SSH2: variants seen among roughly 807,000 people sequenced by gnomAD.
SSH2 encodes the protein protein phosphatase Slingshot homolog 2.
SSH2 carries 37 observed loss-of-function variants against 135.2 expected under a neutral mutation model. That is an observed-to-expected ratio of 0.27 (90% CI 0.21 to 0.36). The LOEUF (loss-of-function observed/expected upper bound fraction) is 0.36. SSH2 is among the 10% of genes least tolerant of loss of function. The probability of loss-of-function intolerance (pLI) is 1.00; values close to 1 mark genes in which losing one functional copy is unlikely to be tolerated. For synonymous variants in SSH2, 628 were observed against 646.2 expected, an observed-to-expected ratio of 0.97 and a Z score of 0.43; for missense variants, 1,408 against 1,765.3, an observed-to-expected ratio of 0.80 and a Z score of 3.63.
chr17:29,646,563 G>A lies in SSH2; in HGVS notation c.1427+1581C>T, dbSNP rs370841490. On this transcript the variant is annotated intron_variant, in intron 14 of 15. Transcript: ENST00000540801. ...CGCCTAGGCCGGAGTGCAGTGGCGC[G>A]ATCTCAACTCACTGCAACCTCCGTC... Among the ~76,000 whole-genome samples, 21 of 152,166 alleles carry A rather than the reference G, an allele frequency of 1.4e-4. No individual in the cohort carries two copies. The South Asian group carries it at 1.9e-3, about 14-fold the overall frequency.
chr17:29,890,274 A>G (rs2066323596), intron 1 of SSH2, among the ~76,000 whole-genome samples: 1 of 152,212 alleles, frequency 6.6e-6, no homozygotes, highest in African/African-American at 2.4e-5. Context: ...AGTTAAAAAG[A>G]GTTATCATAT....
At chr17:29,761,171 G>C (rs1036911371) in intron 3 of SSH2, 2 of 1,289,726 alleles carry the variant, frequency 1.6e-6, no homozygotes, top group South Asian at 1.2e-5. Flanking sequence ...GGCGTTCTGC[G>C]AGATGACCGC....
Position 29,930,026 on chromosome 17 carries a change from C to A in SSH2, c.-26G>T. 1 of 1,541,744 alleles carries A rather than the reference C, an allele frequency of 6.5e-7. No homozygotes were observed. The highest frequency in any genetic ancestry group is 8.7e-7 in the Non-Finnish European group (1 of 1,143,036). Reference sequence around the variant, plus strand: ...CTAGGCGCTGCTGGGTTGTTCCGGGCAGGGCATTCTTGTCCTGAGTGTGGG... The same window carrying A: ...CTAGGCGCTGCTGGGTTGTTCCGGGAAGGGCATTCTTGTCCTGAGTGTGGG... On this transcript the variant is annotated 5_prime_UTR_variant, in exon 1 of 16. Transcript: ENST00000540801.
rs765666869 is a variant in SSH2, at chr17:29,702,729, T to A, written c.292+230A>T. Reference sequence around the variant, plus strand: ...ATATAACTTCATTATTTTGGTACCGTCTTATTATTATTCCAACAAAAATGT... The same window carrying A: ...ATATAACTTCATTATTTTGGTACCGACTTATTATTATTCCAACAAAAATGT... On this transcript the variant is annotated intron_variant, in intron 4 of 15. Transcript: ENST00000540801. Among the ~76,000 whole-genome samples, 232 of 152,302 alleles carry A rather than the reference T, an allele frequency of 1.5e-3. 1 individual carries two copies. The highest frequency in any genetic ancestry group is 2.6e-3 in the Non-Finnish European group (179 of 68,028).
At chr17:29,909,683 A>C (rs554673553) in intron 1 of SSH2, among the ~76,000 whole-genome samples, 1 of 152,280 alleles carries the variant, frequency 6.6e-6, no homozygotes, top group East Asian at 1.9e-4. Flanking sequence ...ATAAGAGTTA[A>C]ATTATATGAA....
chr17:29,759,940 G>T (rs1352890093), intron 3 of SSH2, among the ~76,000 whole-genome samples: 1 of 152,196 alleles, frequency 6.6e-6, no homozygotes, highest in African/African-American at 2.4e-5. Flanking sequence ...GACCGTTCCC[G>T]TTTTTAGACG....
intron 5 of SSH2, among the ~76,000 whole-genome samples, chr17:29,690,042 T>C (rs2038397471): frequency 6.7e-6 from 1 of 149,042 alleles, no homozygotes; most frequent in East Asian, 2.0e-4. Context: ...AAAAAGAGCT[T>C]CTCTCCTCAG....
intron 3 of SSH2, among the ~76,000 whole-genome samples, chr17:29,779,527 G>A (rs2041790337): frequency 6.6e-6 from 1 of 152,144 alleles, no homozygotes; most frequent in South Asian, 2.1e-4. Context: ...CAGTCAGGGT[G>A]CAGAAAGGCC....
intron 1 of SSH2, among the ~76,000 whole-genome samples, chr17:29,893,602 T>A (rs1220001625): frequency 6.6e-6 from 1 of 152,168 alleles, no homozygotes; most frequent in Non-Finnish European, 1.5e-5. Context: ...CCTCCAGAAC[T>A]GTGAGAAATA....
intron 1 of SSH2, among the ~76,000 whole-genome samples, chr17:29,864,644 T>TAAAAA (rs540074955): frequency 7.2e-6 from 1 of 138,062 alleles, no homozygotes; most frequent in East Asian, 2.0e-4. Context: ...GAATACTTAC[T>TAAAAA]AAAAAAAAAA....
chr17:29,648,185 G>A lies in SSH2; in HGVS notation c.1386C>T (p.Phe462=). The part of the protein sequence containing the change: ...RRTVTKPNPS[F]MRQLEEYQGI... ...CCTGATACTCTTCCAGTTGTCTCATGAAGCTTGGGTTGGGCTTGGTTACCG... is the reference window on the plus strand; with the variant it reads ...CCTGATACTCTTCCAGTTGTCTCATAAAGCTTGGGTTGGGCTTGGTTACCG... Residue 462 remains phenylalanine (F), a synonymous_variant, in exon 14 of 16, where the codon TTC becomes TTT. Transcript: ENST00000540801. 6.2e-7 allele frequency: 1 copy of A among 1,614,160 alleles called. No individual in the cohort carries two copies. Among genetic ancestry groups the A allele is most frequent in the Non-Finnish European group, 8.5e-7 (1 of 1,180,042 alleles).
chr17:29,802,350 T>G (rs2042264083), intron 2 of SSH2, among the ~76,000 whole-genome samples: 1 of 152,114 alleles, frequency 6.6e-6, no homozygotes. Context: ...CGATATGTCA[T>G]TTAGGCCTAC....
At chr17:29,713,435 C>A (rs1027308865) in intron 3 of SSH2, among the ~76,000 whole-genome samples, 1 of 152,160 alleles carries the variant, frequency 6.6e-6, no homozygotes, top group African/African-American at 2.4e-5. Flanking sequence ...TGGTATGATG[C>A]TTGTTCTGTT....
intron 3 of SSH2, among the ~76,000 whole-genome samples, chr17:29,739,711 T>C (rs182151640): frequency 2.2e-4 from 33 of 152,276 alleles, no homozygotes; most frequent in Admixed American, 7.2e-4. Context: ...TGTTAGTATA[T>C]GAAATACCTG....
chr17:29,762,869 C>A (rs556552839), intron 3 of SSH2, among the ~76,000 whole-genome samples: 27 of 152,090 alleles, frequency 1.8e-4, no homozygotes, highest in Non-Finnish European at 2.9e-4. Flanking sequence ...GAATACTAGA[C>A]TAAAATATAT....
At chr17:29,822,444 C>T (rs1244669277) in intron 2 of SSH2, among the ~76,000 whole-genome samples, 1 of 151,814 alleles carries the variant, frequency 6.6e-6, no homozygotes, top group African/African-American at 2.4e-5. Context: ...TCTCTGCTGC[C>T]TCGAATTCCT....
At chr17:29,785,726 C>T (rs1158939229) in intron 3 of SSH2, among the ~76,000 whole-genome samples, 1 of 150,904 alleles carries the variant, frequency 6.6e-6, no homozygotes, top group Non-Finnish European at 1.5e-5. Context: ...GTCTCGAACT[C>T]GTGACCTCGA....
chr17:29,747,323 G>C (rs1173148621), intron 3 of SSH2, among the ~76,000 whole-genome samples: 7 of 152,142 alleles, frequency 4.6e-5, no homozygotes, highest in African/African-American at 1.7e-4. Flanking sequence ...TCTTTATTTA[G>C]GAGTGATTCA....
intron 5 of SSH2, among the ~76,000 whole-genome samples, chr17:29,691,225 C>CA (rs2038459971): frequency 1.3e-5 from 2 of 152,026 alleles, no homozygotes; most frequent in Non-Finnish European, 2.9e-5. Context: ...GCAAAATACT[C>CA]AAAAAAGACC....
Sources: gnomAD v4.1 joint callset for allele counts (sites outside exome capture counted in the v4.1 genomes callset) on GRCh38, gnomAD v4.1.1 for gene constraint, MANE v1.5 for transcripts, NCBI Gene and HGNC (gene_info 2026-07-23, HGNC 2026-07-21) for gene names.